Variants in FRMD5 observed in about 807,000 individuals in gnomAD.
FRMD5 encodes the protein FERM domain-containing protein 5.
In FRMD5, 20 loss-of-function variants were observed where a neutral mutation model predicts 69.0. The ratio of observed to expected loss-of-function variants is 0.29; its 90% CI spans 0.20 to 0.42. The LOEUF (loss-of-function observed/expected upper bound fraction) is 0.42, where lower values mean the gene tolerates loss of function less well. Among genes scored for constraint, FRMD5 ranks in the 10% least tolerant of loss-of-function variants. The pLI is 1.00. For synonymous variants in FRMD5, 271 were observed against 260.1 expected, an observed-to-expected ratio of 1.04 and a Z score of -0.40; for missense variants, 595 against 708.6, an observed-to-expected ratio of 0.84 and a Z score of 1.82.
chr15:44,022,093 G>A (rs1891232765), intron 1 of FRMD5, among the ~76,000 whole-genome samples: 1 of 152,136 alleles, frequency 6.6e-6, no homozygotes, highest in Non-Finnish European at 1.5e-5. Flanking sequence ...TAAATTCATA[G>A]GGACAGAAAG....
At chr15:43,999,133 T>C (rs1890068521) in intron 1 of FRMD5, among the ~76,000 whole-genome samples, 2 of 151,740 alleles carry the variant, frequency 1.3e-5, no homozygotes, top group African/African-American at 4.8e-5. Context: ...GGTGGTGTGA[T>C]CTCGGCTCAC....
chr15:44,167,593 A>T (rs1055101092), intron 1 of FRMD5, among the ~76,000 whole-genome samples: 16 of 145,524 alleles, frequency 1.1e-4, no homozygotes, highest in Admixed American at 4.8e-4. Flanking sequence ...CATTATCACA[A>T]TTTTTTTTTT....
intron 7 of FRMD5, among the ~76,000 whole-genome samples, chr15:43,897,335 A>AAATT (rs1454346131): frequency 6.6e-6 from 1 of 151,806 alleles, no homozygotes; most frequent in Admixed American, 6.6e-5. Flanking sequence ...TAAAAATACA[A>AAATT]AATTAGCTGG....
chr15:43,932,426 A>G (rs2089691331), intron 1 of FRMD5, among the ~76,000 whole-genome samples: 1 of 152,180 alleles, frequency 6.6e-6, no homozygotes, highest in African/African-American at 2.4e-5. Context: ...AATTTCAAAT[A>G]TATGTAATCA....
intron 1 of FRMD5, among the ~76,000 whole-genome samples, chr15:44,042,208 T>A (rs1428394182): frequency 6.6e-6 from 1 of 152,108 alleles, no homozygotes; most frequent in Admixed American, 6.5e-5. Context: ...CCGGGACACA[T>A]ACACCCTCCT....
intron 1 of FRMD5, among the ~76,000 whole-genome samples, chr15:44,029,195 G>A (rs1241428049): frequency 1.3e-5 from 2 of 152,186 alleles, no homozygotes; most frequent in Non-Finnish European, 2.9e-5. Context: ...AGCCAAAAAA[G>A]TCCCCACTTC....
intron 4 of FRMD5, among the ~76,000 whole-genome samples, chr15:43,917,442 G>A (rs1333117938): frequency 6.6e-6 from 1 of 152,144 alleles, no homozygotes; most frequent in African/African-American, 2.4e-5. Context: ...TCAGGCTGGA[G>A]TGTAATGCCG....
chr15:43,873,719 C>G lies in FRMD5; in HGVS notation c.*166G>C. 2 of 1,510,314 alleles carry G rather than the reference C, an allele frequency of 1.3e-6. No individual in the cohort carries two copies. Among genetic ancestry groups the G allele is most frequent in the Admixed American group, 2.3e-5 (1 of 43,894 alleles). The allele number at this position is 1,510,314 out of a possible 1,614,324, so 93.6% of individuals were successfully genotyped here. A position where few individuals can be genotyped will look rare whatever the true frequency, so the allele number is the denominator to read the frequency against. On this transcript the variant is annotated 3_prime_UTR_variant, in exon 14 of 14. Coordinates refer to ENST00000417257, the MANE Select transcript of FRMD5 (RefSeq NM_032892.5). ...TTGTTTAGACAGGGCATGAGCCTAT[C>G]CCTTTCTTCTTCTGGGAAACACCCT...
At chr15:44,139,333 T>TACACACACA (rs2077233112) in intron 1 of FRMD5, among the ~76,000 whole-genome samples, 1 of 146,000 alleles carries the variant, frequency 6.8e-6, no homozygotes, top group African/African-American at 2.7e-5. Context: ...ACACACACTT[T>TACACACACA]CTTTCATCTA....
chr15:44,112,466 C>T (rs1378955408), intron 1 of FRMD5, among the ~76,000 whole-genome samples: 1 of 149,772 alleles, frequency 6.7e-6, no homozygotes, highest in Non-Finnish European at 1.5e-5. Flanking sequence ...TGCACCTTCA[C>T]TGATTTTTTT....
chr15:43,905,193 A>G (rs993268011), intron 6 of FRMD5, among the ~76,000 whole-genome samples: 2 of 149,286 alleles, frequency 1.3e-5, no homozygotes, highest in Admixed American at 6.7e-5. Flanking sequence ...CTAGAGTGCA[A>G]TGGCGCAACC....
intron 1 of FRMD5, among the ~76,000 whole-genome samples, chr15:44,047,926 T>G (rs1209279921): frequency 1.3e-5 from 2 of 152,242 alleles, no homozygotes; most frequent in Non-Finnish European, 2.9e-5. Flanking sequence ...ATTACATGGA[T>G]ATACCACATT....
intron 1 of FRMD5, among the ~76,000 whole-genome samples, chr15:44,058,681 G>A (rs1259519401): frequency 2.0e-5 from 3 of 151,604 alleles, no homozygotes; most frequent in African/African-American, 4.8e-5. Flanking sequence ...AGCTACTCAG[G>A]AGGCTGAGGC....
chr15:44,106,162 A>C (rs2076715387), intron 1 of FRMD5, among the ~76,000 whole-genome samples: 1 of 152,178 alleles, frequency 6.6e-6, no homozygotes, highest in Admixed American at 6.6e-5. Flanking sequence ...CTAAGAAAAC[A>C]CTTAACTGTA....
At chr15:44,017,174 TA>T (rs1376722243) in intron 1 of FRMD5, among the ~76,000 whole-genome samples, 1 of 151,894 alleles carries the variant, frequency 6.6e-6, no homozygotes, top group African/African-American at 2.4e-5. Context: ...CCGTCTCTAC[TA>T]AAAATACAAA....
intron 1 of FRMD5, among the ~76,000 whole-genome samples, chr15:44,042,977 GA>G (rs1377398340): frequency 3.9e-5 from 6 of 152,190 alleles, no homozygotes; most frequent in African/African-American, 1.4e-4. Context: ...AGGAAAAGAG[GA>G]AGTCAAATTG....
intron 1 of FRMD5, among the ~76,000 whole-genome samples, chr15:44,013,704 T>C (rs761072459): frequency 7.2e-5 from 11 of 152,232 alleles, no homozygotes; most frequent in Non-Finnish European, 1.3e-4. Context: ...AATGAGGACT[T>C]CTTTCCCAGC....
intron 7 of FRMD5, 165 bp downstream of exon 7, chr15:43,902,010 G>T: frequency 1.6e-6 from 1 of 625,548 alleles, no homozygotes; most frequent in Non-Finnish European, 2.9e-6. Flanking sequence ...TATGTAGCAT[G>T]TGATCCAGAG....
intron 1 of FRMD5, among the ~76,000 whole-genome samples, chr15:44,139,727 C>CAAAAAAAAAAAAAAAAAAAAAAAAAAAA (rs71111842): frequency 2.8e-5 from 2 of 72,026 alleles, no homozygotes; most frequent in Non-Finnish European, 2.4e-5. Context: ...CCAGTCTCTA[C>CAAAAAAAAAAAAAAAAAAAAAAAAAAAA]AAAAAAAAAA....
Sources: gnomAD v4.1 joint callset for allele counts (sites outside exome capture counted in the v4.1 genomes callset) on GRCh38, gnomAD v4.1.1 for gene constraint, MANE v1.5 for transcripts, NCBI Gene and HGNC (gene_info 2026-07-23, HGNC 2026-07-21) for gene names.